Variants in ZNF618 observed in about 807,000 individuals in gnomAD.
ZNF618 encodes the protein zinc finger protein 618.
In ZNF618, 34 loss-of-function variants were observed where a neutral mutation model predicts 103.0. The ratio of observed to expected loss-of-function variants is 0.33; its 90% confidence interval spans 0.25 to 0.44. ZNF618 has a LOEUF of 0.44. ZNF618 is among the 20% of genes least tolerant of loss of function. ZNF618 has a pLI of 1.00. For missense variants in ZNF618, 1,059 were observed against 1,295.4 expected (o/e 0.82, Z 2.80); for synonymous variants, 551 against 542.2 (o/e 1.02, Z -0.23).
intron 9 of ZNF618, among the ~76,000 whole-genome samples, chr9:114,015,324 G>T (rs1156396213): frequency 1.3e-5 from 2 of 152,100 alleles, no homozygotes; most frequent in Non-Finnish European, 2.9e-5. Flanking sequence ...AGAAATGCTG[G>T]CTGTAAACAC....
intron 13 of ZNF618, among the ~76,000 whole-genome samples, chr9:114,046,832 G>A (rs1456492445): frequency 1.3e-5 from 2 of 152,200 alleles, no homozygotes; most frequent in Non-Finnish European, 2.9e-5. Context: ...TTAGCGTGGT[G>A]TATTACATTT....
intron 13 of ZNF618, among the ~76,000 whole-genome samples, chr9:114,041,814 T>C (rs1368683909): frequency 1.3e-5 from 2 of 152,230 alleles, no homozygotes; most frequent in African/African-American, 4.8e-5. Flanking sequence ...CAATGCGGGC[T>C]CTTTTTTGGT....
Position 114,042,506 on chromosome 9 carries a change from C to A in ZNF618, c.1247-5387C>A, listed in dbSNP as rs1845289915. ...CCTGGACAGGGACAACATAGCATGA[C>A]CCTGTGTCTAAAAAAATAAAATTAA... On this transcript the variant is annotated intron_variant, in intron 13 of 14. Transcript: ENST00000374126. 2.0e-5 allele frequency among the ~76,000 whole-genome samples: 3 copies of A among 151,970 alleles called. No individual in the cohort carries two copies. In the South Asian group the frequency reaches 6.3e-4, roughly 32 times the overall value.
At chr9:113,887,872 GAA>G (rs1829225914) in intron 1 of ZNF618, among the ~76,000 whole-genome samples, 1 of 152,196 alleles carries the variant, frequency 6.6e-6, no homozygotes, top group African/African-American at 2.4e-5. Context: ...TTCAAGGACT[GAA>G]GTTTAGCATT....
intron 1 of ZNF618, among the ~76,000 whole-genome samples, chr9:113,966,050 T>C (rs1382761178): frequency 6.6e-6 from 1 of 152,232 alleles, no homozygotes; most frequent in East Asian, 1.9e-4. Flanking sequence ...CATATCATTC[T>C]GTTTTTCTGT....
intron 1 of ZNF618, among the ~76,000 whole-genome samples, chr9:113,945,859 T>C (rs2132156894): frequency 6.6e-6 from 1 of 152,318 alleles, no homozygotes; most frequent in East Asian, 1.9e-4. Flanking sequence ...AGTTAATTAA[T>C]TTGGGATTTG....
In ZNF618 at chr9:113,897,386, T is replaced by C. The variant is rs117985647; in HGVS notation, c.33+20973T>C. On this transcript the variant is annotated intron_variant, in intron 1 of 14. Transcript: ENST00000374126. Reference sequence around the variant, plus strand: ...ATACACGATATTTTGCTTTTGTGCTTAATTCTGTTCCCATCCCCAGCCTTC... The same window carrying C: ...ATACACGATATTTTGCTTTTGTGCTCAATTCTGTTCCCATCCCCAGCCTTC... Among the ~76,000 whole-genome samples the C allele has an allele frequency of 2.3e-4, 35 of 152,372 alleles. No homozygotes were observed. The East Asian group carries it at 3.1e-3, about 13-fold the overall frequency.
rs995791010 is a variant in ZNF618 at position 114,002,251 on chromosome 9, T to C, written c.511+178T>C. ...AGGCAGGAGAAGGGAGGCCTCCTGA[T>C]GCGGGACAGCTCAGGTGTGGGAGGG... On this transcript the variant is annotated intron_variant, in intron 5 of 14. Transcript: ENST00000374126. Among the ~76,000 whole-genome samples the C allele has an allele frequency of 5.9e-5, 9 of 152,148 alleles. No homozygotes were observed. The East Asian group carries it at 1.7e-3, about 29-fold the overall frequency.
intron 13 of ZNF618, among the ~76,000 whole-genome samples, chr9:114,038,909 G>A (rs533918085): frequency 2.4e-4 from 37 of 152,278 alleles, no homozygotes; most frequent in Non-Finnish European, 3.8e-4. Context: ...TTTACGTGGC[G>A]CCAGGCCTTG....
At chr9:113,990,978 C>G (rs1177637869) in intron 3 of ZNF618, among the ~76,000 whole-genome samples, 2 of 152,194 alleles carry the variant, frequency 1.3e-5, no homozygotes, top group African/African-American at 2.4e-5. Context: ...TCTTTGGTAT[C>G]TGTGTGTGTT....
intron 1 of ZNF618, among the ~76,000 whole-genome samples, chr9:113,967,043 A>C (rs890699579): frequency 6.6e-6 from 1 of 152,252 alleles, no homozygotes; most frequent in Non-Finnish European, 1.5e-5. Context: ...TGTTTGCTGC[A>C]CTTGAGCTGG....
chr9:113,991,116 G>C (rs1046993476), intron 3 of ZNF618, among the ~76,000 whole-genome samples: 2 of 152,220 alleles, frequency 1.3e-5, no homozygotes, highest in African/African-American at 4.8e-5. Flanking sequence ...GGGCAGCTAG[G>C]CCAGGGAAAT....
intron 1 of ZNF618, among the ~76,000 whole-genome samples, chr9:113,949,532 C>G (rs1588126354): frequency 6.6e-6 from 1 of 152,152 alleles, no homozygotes; most frequent in Non-Finnish European, 1.5e-5. Flanking sequence ...GTGCTCACTA[C>G]CTCAGTCAGA....
chr9:114,027,218 A>G (rs971292852), intron 10 of ZNF618, among the ~76,000 whole-genome samples: 1 of 152,242 alleles, frequency 6.6e-6, no homozygotes, highest in African/African-American at 2.4e-5. Flanking sequence ...TAGGTATACA[A>G]GTGTCCTTTG....
intron 1 of ZNF618, among the ~76,000 whole-genome samples, chr9:113,964,539 T>A (rs1203614247): frequency 1.4e-5 from 2 of 147,454 alleles, no homozygotes; most frequent in Non-Finnish European, 3.0e-5. Flanking sequence ...TCAAGTGGCT[T>A]AAAAAAAAAA....
intron 3 of ZNF618, among the ~76,000 whole-genome samples, chr9:113,992,374 C>T (rs951059144): frequency 1.1e-4 from 17 of 152,162 alleles, no homozygotes; most frequent in African/African-American, 3.9e-4. Context: ...CCTACCACAA[C>T]ACCTACCTCC....
chr9:113,988,199 G>A, intron 2 of ZNF618, 122 bp from the exon 3 acceptor site: 1 of 1,345,200 alleles, frequency 7.4e-7, no homozygotes, highest in Non-Finnish European at 9.8e-7. Context: ...AGGCTAAGGG[G>A]GCCGGGGGCC....
At chr9:113,911,723 G>A (rs1285452320) in intron 1 of ZNF618, among the ~76,000 whole-genome samples, 1 of 152,124 alleles carries the variant, frequency 6.6e-6, no homozygotes, top group Non-Finnish European at 1.5e-5. Context: ...CTGTTTCCCA[G>A]TGTTATTGCA....
intron 6 of ZNF618, among the ~76,000 whole-genome samples, chr9:114,004,315 C>T (rs1260305904): frequency 1.3e-5 from 2 of 152,222 alleles, no homozygotes; most frequent in Non-Finnish European, 2.9e-5. Flanking sequence ...TGGGCCCTCC[C>T]CCTCCAGCCC....
Sources: allele counts gnomAD v4.1 joint callset (sites outside exome capture counted in the v4.1 genomes callset), GRCh38; gene constraint gnomAD v4.1.1; transcripts MANE v1.5; gene names NCBI Gene and HGNC (gene_info 2026-07-23, HGNC 2026-07-21).